Variants in EFCAB11 observed in about 807,000 individuals in gnomAD.
EFCAB11 encodes EF-hand calcium-binding domain-containing protein 11.
A neutral mutation model predicts 23.0 loss-of-function variants in EFCAB11; 14 were observed. The ratio of observed to expected loss-of-function variants is 0.61; its 90% CI spans 0.40 to 0.95. EFCAB11 has a LOEUF of 0.95. EFCAB11 is among the 40% of genes least tolerant of loss of function. The probability of loss-of-function intolerance (pLI) is 0.00; values close to 1 mark genes in which losing one functional copy is unlikely to be tolerated. For synonymous variants in EFCAB11, 65 were observed against 66.6 expected, an observed-to-expected ratio of 0.98 and a Z score of 0.11; for missense variants, 198 against 195.8, an observed-to-expected ratio of 1.01 and a Z score of -0.07.
intron 5 of EFCAB11, among the ~76,000 whole-genome samples, chr14:89,921,337 C>T (rs1890017868): frequency 6.6e-6 from 1 of 152,018 alleles, no homozygotes; most frequent in Admixed American, 6.6e-5. Flanking sequence ...TCTGTAGGGG[C>T]CTTGTATGTC....
intron 2 of EFCAB11, among the ~76,000 whole-genome samples, 188 bp from the exon 3 acceptor site, chr14:89,950,330 G>GT (rs1891124908): frequency 6.6e-6 from 1 of 152,042 alleles, no homozygotes; most frequent in Non-Finnish European, 1.5e-5. Context: ...CTATAAAATA[G>GT]CAGACACTAA....
At chr14:89,801,259 A>G (rs915304555) in intron 5 of EFCAB11, among the ~76,000 whole-genome samples, 1 of 152,058 alleles carries the variant, frequency 6.6e-6, no homozygotes, top group Non-Finnish European at 1.5e-5. Flanking sequence ...TGTTTGTATT[A>G]CCTGTTCTAA....
intron 3 of EFCAB11, among the ~76,000 whole-genome samples, chr14:89,938,438 G>A (rs764454060): frequency 3.3e-5 from 5 of 152,150 alleles, no homozygotes; most frequent in Non-Finnish European, 5.9e-5. Context: ...TAATGTGTTC[G>A]CACAGAAAGA....
intron 5 of EFCAB11, among the ~76,000 whole-genome samples, chr14:89,904,290 G>A (rs1227251993): frequency 6.6e-6 from 1 of 152,064 alleles, no homozygotes; most frequent in South Asian, 2.1e-4. Context: ...CCATGTCCCT[G>A]CAAAGGACAT....
intron 5 of EFCAB11, among the ~76,000 whole-genome samples, chr14:89,828,639 G>C (rs1886784208): frequency 6.6e-6 from 1 of 152,124 alleles, no homozygotes; most frequent in Non-Finnish European, 1.5e-5. Flanking sequence ...AGAACTTATG[G>C]GGTGTTTACT....
chr14:89,919,138 G>C (rs1244391985), intron 5 of EFCAB11, among the ~76,000 whole-genome samples: 1 of 151,978 alleles, frequency 6.6e-6, no homozygotes, highest in African/African-American at 2.4e-5. Flanking sequence ...AGAGGATCCA[G>C]GAAGGTGGAT....
intron 3 of EFCAB11, among the ~76,000 whole-genome samples, chr14:89,939,686 A>G (rs1161114457): frequency 6.6e-6 from 1 of 152,196 alleles, no homozygotes; most frequent in East Asian, 1.9e-4. Context: ...ATAGTAATAT[A>G]ACATCTGGCC....
At chr14:89,906,306 T>C (rs1411304238) in intron 5 of EFCAB11, among the ~76,000 whole-genome samples, 1 of 152,214 alleles carries the variant, frequency 6.6e-6, no homozygotes, top group African/African-American at 2.4e-5. Context: ...CAATTCATGA[T>C]TACCTGATAT....
At chr14:89,820,371 T>A (rs79696323) in intron 5 of EFCAB11, among the ~76,000 whole-genome samples, 1 of 151,858 alleles carries the variant, frequency 6.6e-6, no homozygotes, top group Non-Finnish European at 1.5e-5. Context: ...CCCAGCAAAA[T>A]ATTCATCATT....
At chr14:89,858,656 A>ATTTTTTTTTTT (rs10648464) in intron 5 of EFCAB11, among the ~76,000 whole-genome samples, 4 of 88,988 alleles carry the variant, frequency 4.5e-5, no homozygotes, top group African/African-American at 4.4e-5. Flanking sequence ...CACCCAGCTA[A>ATTTTTTTTTTT]TTTTTTTTTT....
intron 5 of EFCAB11, among the ~76,000 whole-genome samples, chr14:89,858,148 C>T (rs1200411314): frequency 6.6e-6 from 1 of 152,192 alleles, no homozygotes; most frequent in East Asian, 1.9e-4. Context: ...CCTCTAGGCT[C>T]TCCCTCTCCT....
chr14:89,815,741 G>T (rs922267894), intron 5 of EFCAB11, among the ~76,000 whole-genome samples: 2 of 151,938 alleles, frequency 1.3e-5, no homozygotes, highest in African/African-American at 4.8e-5. Context: ...TTTCTAATTA[G>T]TACTATATAG....
intron 5 of EFCAB11, among the ~76,000 whole-genome samples, chr14:89,879,719 T>C (rs1185444055): frequency 6.6e-6 from 1 of 152,224 alleles, no homozygotes; most frequent in Non-Finnish European, 1.5e-5. Flanking sequence ...AGACTCTTGT[T>C]CCTATTATTA....
intron 3 of EFCAB11, among the ~76,000 whole-genome samples, chr14:89,942,123 A>T (rs927997746): frequency 6.6e-6 from 1 of 152,168 alleles, no homozygotes; most frequent in Non-Finnish European, 1.5e-5. Context: ...AAGTTTCCTG[A>T]GGCCTCCCCA....
chr14:89,891,947 C>T (rs1474598337), intron 5 of EFCAB11, among the ~76,000 whole-genome samples: 1 of 151,988 alleles, frequency 6.6e-6, no homozygotes, highest in Non-Finnish European at 1.5e-5. Flanking sequence ...GTGCTACCGC[C>T]GCGCGCTGCA....
chr14:89,840,051 CA>C (rs1285157648), intron 5 of EFCAB11, among the ~76,000 whole-genome samples: 1 of 152,174 alleles, frequency 6.6e-6, no homozygotes, highest in Non-Finnish European at 1.5e-5. Context: ...GTCTGACCTC[CA>C]GATGAGATCC....
At chr14:89,887,254 G>T (rs1888817970) in intron 5 of EFCAB11, among the ~76,000 whole-genome samples, 1 of 152,182 alleles carries the variant, frequency 6.6e-6, no homozygotes, top group Non-Finnish European at 1.5e-5. Context: ...GGGGATGGGA[G>T]ATGGAGTGAA....
At chr14:89,889,925 T>C (rs538017739) in intron 5 of EFCAB11, among the ~76,000 whole-genome samples, 128 of 152,362 alleles carry the variant, frequency 8.4e-4, no homozygotes, top group Non-Finnish European at 1.5e-3. Context: ...TGGTTTTGCA[T>C]TGAATCCTTT....
At chr14:89,926,907 T>C (rs577656954) in intron 5 of EFCAB11, among the ~76,000 whole-genome samples, 1 of 152,172 alleles carries the variant, frequency 6.6e-6, no homozygotes, top group Non-Finnish European at 1.5e-5. Flanking sequence ...TGTAGAGCTA[T>C]GACTAAAACA....
Sources: gnomAD v4.1 joint callset for allele counts (sites outside exome capture counted in the v4.1 genomes callset) on GRCh38, gnomAD v4.1.1 for gene constraint, MANE v1.5 for transcripts, NCBI Gene and HGNC (gene_info 2026-07-23, HGNC 2026-07-21) for gene names.